The following PITPNM2 variants were observed in gnomAD, a reference collection of about 807,000 sequenced individuals.
PITPNM2 encodes the protein phosphatidylinositol transfer protein membrane associated 2.
A neutral mutation model predicts 132.2 loss-of-function variants in PITPNM2; 35 were observed. The ratio of observed to expected loss-of-function variants is 0.26; its 90% CI spans 0.20 to 0.35. The LOEUF (loss-of-function observed/expected upper bound fraction) is 0.35, where lower values mean the gene tolerates loss of function less well. PITPNM2 is among the 10% of genes least tolerant of loss of function. The probability of loss-of-function intolerance (pLI) is 1.00; values close to 1 mark genes in which losing one functional copy is unlikely to be tolerated. For missense variants in PITPNM2, 1,332 were observed against 1,912.0 expected, an observed-to-expected ratio of 0.70 and a Z score of 5.66; for synonymous variants, 738 against 799.2, an observed-to-expected ratio of 0.92 and a Z score of 1.29.
At chr12:123,085,479 C>T (rs1286793133) in intron 2 of PITPNM2, among the ~76,000 whole-genome samples, 2 of 152,060 alleles carry the variant, frequency 1.3e-5, no homozygotes, top group Non-Finnish European at 2.9e-5. Flanking sequence ...TCCATAGAGA[C>T]AAAGAGTACG....
chr12:123,141,156 G>C (rs1472050254), intron 1 of PITPNM2, among the ~76,000 whole-genome samples: 1 of 152,060 alleles, frequency 6.6e-6, no homozygotes, highest in Non-Finnish European at 1.5e-5. Context: ...GTGTGGTGAG[G>C]CCTAAGTCAT....
chr12:122,998,458 C>G (rs2136139660), intron 10 of PITPNM2, among the ~76,000 whole-genome samples: 1 of 152,220 alleles, frequency 6.6e-6, no homozygotes, highest in East Asian at 1.9e-4. Flanking sequence ...TCTGCCACTA[C>G]TCAGCACTCT....
intron 10 of PITPNM2, 98 bp from the exon 11 acceptor site, chr12:122,997,670 G>T: frequency 6.7e-7 from 1 of 1,492,540 alleles, no homozygotes; most frequent in Non-Finnish European, 9.1e-7. Context: ...CTTGCACGCA[G>T]CCCAACTGCT....
chr12:123,012,832 G>A, intron 4 of PITPNM2, 98 bp from the exon 5 acceptor site: 2 of 1,499,552 alleles, frequency 1.3e-6, no homozygotes, highest in Non-Finnish European at 9.1e-7. Flanking sequence ...TGGAGCTGGT[G>A]AGCGGGCATG....
rs184415243 is a variant in PITPNM2, at chr12:123,108,282, C to T, written c.-96+2103G>A. Among the ~76,000 whole-genome samples the T allele has an allele frequency of 6.6e-6, 1 of 152,172 alleles. No homozygotes were observed. Among genetic ancestry groups the T allele is most frequent in the Non-Finnish European group, 1.5e-5 (1 of 68,032 alleles). On this transcript the variant is annotated intron_variant, in intron 2 of 25. Transcript: ENST00000320201. The surrounding 1 kb of genome is among the most constrained non-coding windows in gnomAD (Gnocchi z 4.4). ...CATTTTAGGTCTAAGTGAAGACCTTCGGATGAGGTGAGCTGCAAGGCCATG... is the reference window on the plus strand; with the variant it reads ...CATTTTAGGTCTAAGTGAAGACCTTTGGATGAGGTGAGCTGCAAGGCCATG...
At chr12:123,034,764 G>A (rs930986339) in intron 2 of PITPNM2, 79 bp from the exon 3 acceptor site, 12 of 608,310 alleles carry the variant, frequency 2.0e-5, no homozygotes, top group Admixed American at 1.9e-4. Context: ...GGAAAGGCCC[G>A]GTCTACACCT....
intron 2 of PITPNM2, among the ~76,000 whole-genome samples, chr12:123,079,047 A>G (rs1178275702): frequency 1.3e-5 from 2 of 152,180 alleles, no homozygotes; most frequent in Non-Finnish European, 2.9e-5. Context: ...TGGCACTCCC[A>G]GGCACTCAGA....
At chr12:123,107,508 A>G (rs1357251818) in intron 2 of PITPNM2, among the ~76,000 whole-genome samples, 1 of 152,138 alleles carries the variant, frequency 6.6e-6, no homozygotes, top group Non-Finnish European at 1.5e-5. Flanking sequence ...ATTCCTCCAC[A>G]GCAAGGAGCT....
At position 123,118,706 on chromosome 12, in the gene PITPNM2, G is replaced by A. The variant is rs551040536; in HGVS notation, c.-199-8218C>T. On this transcript the variant is annotated intron_variant, in intron 1 of 25. Coordinates refer to ENST00000320201, the MANE Select transcript of PITPNM2 (RefSeq NM_020845.3). ...GCCTGGAAAGCTGTCAGCCTCCAGG[G>A]TGTACGGACAGCTTTGCAGCCCCGC... 7.2e-5 allele frequency among the ~76,000 whole-genome samples: 11 copies of A among 152,316 alleles called. No homozygotes were observed. In the South Asian group the frequency reaches 2.3e-3, roughly 32 times the overall value.
chr12:123,067,161 G>C (rs772527791), intron 2 of PITPNM2, among the ~76,000 whole-genome samples: 6 of 152,128 alleles, frequency 3.9e-5, no homozygotes, highest in Non-Finnish European at 5.9e-5. Flanking sequence ...GAAGAGGAGA[G>C]AGTCTACAGC....
chr12:122,991,698 T>C (rs1594122330), intron 16 of PITPNM2: 2 of 1,287,584 alleles, frequency 1.6e-6, no homozygotes, highest in Admixed American at 3.2e-5. Context: ...GGGGTGTCCC[T>C]GAGGACCAGG....
intron 2 of PITPNM2, among the ~76,000 whole-genome samples, chr12:123,056,132 G>A (rs947324750): frequency 1.3e-5 from 2 of 152,210 alleles, no homozygotes; most frequent in African/African-American, 4.8e-5. Context: ...CCTGCAGCTT[G>A]AGTTCCAGGC....
At chr12:123,061,606 T>C (rs1048867258) in intron 2 of PITPNM2, among the ~76,000 whole-genome samples, 2 of 152,174 alleles carry the variant, frequency 1.3e-5, no homozygotes, top group Non-Finnish European at 2.9e-5. Context: ...AGGGTCAATG[T>C]GGTGGATGGT....
At chr12:123,086,093 G>A (rs2042104883) in intron 2 of PITPNM2, among the ~76,000 whole-genome samples, 1 of 152,232 alleles carries the variant, frequency 6.6e-6, no homozygotes, top group Non-Finnish European at 1.5e-5. Context: ...GGTTTTCACA[G>A]GGAGGTCCTC....
chr12:123,042,654 C>A (rs1383991419), intron 2 of PITPNM2, among the ~76,000 whole-genome samples: 1 of 152,170 alleles, frequency 6.6e-6, no homozygotes, highest in Non-Finnish European at 1.5e-5. Context: ...GTATCCATAA[C>A]CTCCTTCTGC....
chr12:123,045,432 T>G (rs2040621478), intron 2 of PITPNM2, among the ~76,000 whole-genome samples: 1 of 152,126 alleles, frequency 6.6e-6, no homozygotes, highest in Non-Finnish European at 1.5e-5. Flanking sequence ...GGCAGACAAT[T>G]CTCATCAAAT....
rs1486747663 is a variant in PITPNM2 at position 123,150,508 on chromosome 12, C to T, written c.-200+245G>A. On this transcript the variant is annotated intron_variant, in intron 1 of 25. Transcript: ENST00000320201. This position sits in a 1 kb window ranked among gnomAD's most constrained non-coding sequence, Gnocchi z 6.0. ...GGAAATCAGCGTTTCGGGCACGGAT[C>T]CAGGGCCGGCGACTCACTGAGGCCA... Among the ~76,000 whole-genome samples, 1 of 152,090 alleles carries T rather than the reference C, an allele frequency of 6.6e-6. No individual in the cohort carries two copies. Among genetic ancestry groups the T allele is most frequent in the African/African-American group, 2.4e-5 (1 of 41,440 alleles).
At chr12:123,020,378 C>T (rs1376237438) in intron 3 of PITPNM2, among the ~76,000 whole-genome samples, 1 of 152,158 alleles carries the variant, frequency 6.6e-6, no homozygotes, top group Non-Finnish European at 1.5e-5. Context: ...GCCTCCGCCT[C>T]CCAAAGTGCT....
chr12:123,080,435 A>G (rs1452792196), intron 2 of PITPNM2, among the ~76,000 whole-genome samples: 1 of 152,182 alleles, frequency 6.6e-6, no homozygotes, highest in Non-Finnish European at 1.5e-5. Context: ...AATATTCCAG[A>G]GCCCCTCCTA....
Sources: allele counts gnomAD v4.1 joint callset (sites outside exome capture counted in the v4.1 genomes callset), GRCh38; gene constraint gnomAD v4.1.1; non-coding constraint Gnocchi (gnomAD v3.1); transcripts MANE v1.5; gene names NCBI Gene and HGNC (gene_info 2026-07-23, HGNC 2026-07-21).